Variants in BMPR2 observed in about 807,000 individuals in gnomAD.
BMPR2 encodes the protein bone morphogenetic protein receptor type-2.
Under a neutral mutation model 100.8 loss-of-function variants are expected in BMPR2, and 29 were observed. The ratio of observed to expected loss-of-function variants is 0.29; its 90% CI spans 0.21 to 0.39. The LOEUF is 0.39. Among genes scored for constraint, BMPR2 ranks in the 10% least tolerant of loss-of-function variants. The pLI is 1.00. For missense variants in BMPR2, 1,011 were observed against 1,274.5 expected (o/e 0.79, Z 3.15); for synonymous variants, 382 against 442.3 (o/e 0.86, Z 1.71).
At chr2:202,489,619 A>G (rs1004191470) in intron 3 of BMPR2, among the ~76,000 whole-genome samples, 1 of 152,218 alleles carries the variant, frequency 6.6e-6, no homozygotes. Flanking sequence ...TTACCCCACA[A>G]AACAACTGAA....
chr2:202,511,221 TGA>T (rs1687618034), intron 3 of BMPR2, among the ~76,000 whole-genome samples: 1 of 150,514 alleles, frequency 6.6e-6, no homozygotes, highest in Admixed American at 6.6e-5. Flanking sequence ...TGGCCTATTC[TGA>T]GTATTTCATT....
chr2:202,531,026 G>A, intron 8 of BMPR2, 72 bp downstream of exon 8: 2 of 1,574,948 alleles, frequency 1.3e-6, no homozygotes, highest in Non-Finnish European at 1.7e-6. Flanking sequence ...CTACTGGCCA[G>A]GTGTGGTGGC....
chr2:202,498,140 A>G (rs1052695551), intron 3 of BMPR2, among the ~76,000 whole-genome samples: 46 of 152,188 alleles, frequency 3.0e-4, no homozygotes, highest in Non-Finnish European at 1.2e-4. Context: ...GGACAGGGGT[A>G]AAGTCCCAAG....
intron 1 of BMPR2, among the ~76,000 whole-genome samples, chr2:202,432,209 T>C (rs1376223536): frequency 1.3e-5 from 2 of 150,798 alleles, no homozygotes; most frequent in Non-Finnish European, 2.9e-5. Flanking sequence ...TCCTTTAAGA[T>C]TTGTTTTCAT....
intron 1 of BMPR2, among the ~76,000 whole-genome samples, chr2:202,416,614 C>T (rs1439287332): frequency 3.3e-5 from 5 of 150,726 alleles, no homozygotes; most frequent in East Asian, 2.0e-4. Context: ...TTAGTAGAGA[C>T]GGGGTTTCAC....
At chr2:202,558,312 A>T (rs1414513871) in intron 12 of BMPR2, among the ~76,000 whole-genome samples, 1 of 148,584 alleles carries the variant, frequency 6.7e-6, no homozygotes, top group African/African-American at 2.5e-5. Flanking sequence ...GGGTTTCGCC[A>T]TGTTGGCCAG....
At position 202,376,746 on chromosome 2, in the gene BMPR2, C is replaced by T. The variant is rs1457312243; in HGVS notation, c.-729C>T. 6.6e-6 allele frequency among the ~76,000 whole-genome samples: 1 copy of T among 150,680 alleles called. No individual in the cohort carries two copies. Reference sequence around the variant, plus strand: ...ACTCCGCCTGCCGTCTCGGGGAGCCCGGACCGGGGCCGCGACCGCGACCCC... The same window carrying T: ...ACTCCGCCTGCCGTCTCGGGGAGCCTGGACCGGGGCCGCGACCGCGACCCC... On this transcript the variant is annotated 5_prime_UTR_variant, in exon 1 of 13. Transcript: ENST00000374580.
At chr2:202,549,390 C>G (rs1215767916) in intron 10 of BMPR2, among the ~76,000 whole-genome samples, 1 of 152,078 alleles carries the variant, frequency 6.6e-6, no homozygotes, top group Non-Finnish European at 1.5e-5. Flanking sequence ...ATAAATAAAG[C>G]TGCTGTGAAT....
At chr2:202,521,922 A>G (rs985997529) in intron 7 of BMPR2, among the ~76,000 whole-genome samples, 1 of 152,198 alleles carries the variant, frequency 6.6e-6, no homozygotes, top group East Asian at 1.9e-4. Flanking sequence ...TGAAAGGCCA[A>G]GTGGATCTCA....
intron 1 of BMPR2, among the ~76,000 whole-genome samples, chr2:202,438,252 G>T (rs1241627235): frequency 6.6e-6 from 1 of 150,502 alleles, no homozygotes; most frequent in African/African-American, 2.5e-5. Context: ...GGTGGAGGTT[G>T]CGGTGAGCCA....
At chr2:202,414,609 C>T (rs1001047457) in intron 1 of BMPR2, among the ~76,000 whole-genome samples, 1 of 152,168 alleles carries the variant, frequency 6.6e-6, no homozygotes, top group South Asian at 2.1e-4. Flanking sequence ...CCAGTGAATA[C>T]AGGAATGATA....
intron 9 of BMPR2, among the ~76,000 whole-genome samples, chr2:202,536,039 G>A (rs1050471208): frequency 2.2e-4 from 34 of 151,792 alleles, no homozygotes; most frequent in African/African-American, 7.2e-4. Flanking sequence ...GTCCAGCTTC[G>A]GCTCGGCATG....
At chr2:202,525,062 G>A (rs13416911) in intron 7 of BMPR2, among the ~76,000 whole-genome samples, 7,499 of 151,996 alleles carry the variant, frequency 0.049, 615 homozygotes, top group African/African-American at 0.17. Context: ...TTGGATCTTA[G>A]GTTAAGAACC....
intron 1 of BMPR2, among the ~76,000 whole-genome samples, chr2:202,451,488 T>G (rs1691982439): frequency 6.6e-6 from 1 of 152,010 alleles, no homozygotes; most frequent in Admixed American, 6.6e-5. Context: ...CACCTGAGGT[T>G]AGGAGTTCGA....
At chr2:202,546,490 C>T (rs1184526749) in intron 10 of BMPR2, among the ~76,000 whole-genome samples, 2 of 152,136 alleles carry the variant, frequency 1.3e-5, no homozygotes, top group African/African-American at 4.8e-5. Context: ...AATGTTAAAC[C>T]ATAGTTATCT....
At chr2:202,411,197 C>T (rs894785690) in intron 1 of BMPR2, among the ~76,000 whole-genome samples, 1 of 152,158 alleles carries the variant, frequency 6.6e-6, no homozygotes, top group Admixed American at 6.6e-5. Context: ...TAATGTAACA[C>T]TGGAGAAATC....
At chr2:202,527,051 A>G (rs1259185114) in intron 7 of BMPR2, among the ~76,000 whole-genome samples, 1 of 152,000 alleles carries the variant, frequency 6.6e-6, no homozygotes, top group African/African-American at 2.4e-5. Flanking sequence ...TTTAGTAGAG[A>G]CAAGGTTTCA....
chr2:202,557,493 A>G (rs2105713901), intron 12 of BMPR2, among the ~76,000 whole-genome samples: 1 of 150,636 alleles, frequency 6.6e-6, no homozygotes, highest in South Asian at 2.1e-4. Flanking sequence ...ACACACACAC[A>G]CACACACACA....
intron 1 of BMPR2, among the ~76,000 whole-genome samples, chr2:202,443,412 T>G (rs1408750391): frequency 6.6e-6 from 1 of 150,676 alleles, no homozygotes; most frequent in Non-Finnish European, 1.5e-5. Flanking sequence ...GGCTGCACCA[T>G]TTTTCATTCC....
Sources: allele counts gnomAD v4.1 joint callset (sites outside exome capture counted in the v4.1 genomes callset), GRCh38; gene constraint gnomAD v4.1.1; transcripts MANE v1.5; gene names NCBI Gene and HGNC (gene_info 2026-07-23, HGNC 2026-07-21).